Variants in ZNF704 observed in about 807,000 individuals in gnomAD.
ZNF704 encodes zinc finger protein 704.
ZNF704 carries 10 observed loss-of-function variants against 44.7 expected under a neutral mutation model. The observed-to-expected ratio is 0.22, with a 90% CI of 0.14 to 0.38. The LOEUF (loss-of-function observed/expected upper bound fraction) is 0.38. Among genes scored for constraint, ZNF704 ranks in the 10% least tolerant of loss-of-function variants. ZNF704 has a pLI of 1.00. For synonymous variants in ZNF704, 211 were observed against 207.6 expected, an observed-to-expected ratio of 1.02 and a Z score of -0.14; for missense variants, 390 against 545.5, an observed-to-expected ratio of 0.71 and a Z score of 2.84.
intron 2 of ZNF704, among the ~76,000 whole-genome samples, chr8:80,818,928 T>C (rs902360610): frequency 1.3e-5 from 2 of 152,114 alleles, no homozygotes; most frequent in African/African-American, 2.4e-5. Context: ...TAAATGGAAA[T>C]AGAGTTTGAG....
At position 80,635,693 on chromosome 8, in the gene ZNF704, T is replaced by A. The variant is rs913372992; in HGVS notation, c.*5673A>T. The A allele has an allele frequency of 6.6e-6, 1 of 152,260 alleles. No homozygotes were observed. Among genetic ancestry groups the A allele is most frequent in the African/African-American group, 2.4e-5 (1 of 41,474 alleles). 9.4% of individuals were successfully genotyped at this position (152,260 alleles called of 1,614,324 possible). On this transcript the variant is annotated 3_prime_UTR_variant, in exon 9 of 9. Transcript: ENST00000327835. ...ATAAGAATATTTCTCCCATGGCCTA[T>A]AAGCATACCTGTTAACACTTTTTAG...
intron 2 of ZNF704, among the ~76,000 whole-genome samples, chr8:80,770,187 C>A (rs1807296856): frequency 6.6e-6 from 1 of 152,134 alleles, no homozygotes; most frequent in Non-Finnish European, 1.5e-5. Context: ...GGGACATAGC[C>A]AAATCATATC....
intron 1 of ZNF704, among the ~76,000 whole-genome samples, chr8:80,833,808 T>C (rs1248519304): frequency 6.6e-6 from 1 of 152,108 alleles, no homozygotes; most frequent in African/African-American, 2.4e-5. Flanking sequence ...GGTTTAATCA[T>C]AGGGCTGCCA....
At chr8:80,880,197 G>A in the ZNF704 span, among the ~76,000 whole-genome samples, 3 of 152,184 alleles carry the variant, frequency 2.0e-5, no homozygotes, top group African/African-American at 7.2e-5. Flanking sequence ...CAGGTGCAGA[G>A]GAAGTCTTTG....
At chr8:80,864,624 CA>C (rs1472989502) in intron 1 of ZNF704, among the ~76,000 whole-genome samples, 1 of 152,092 alleles carries the variant, frequency 6.6e-6, no homozygotes, top group Non-Finnish European at 1.5e-5. Context: ...ACAGTGGGAG[CA>C]AGCAGATATG....
At chr8:80,644,219 T>G (rs913927597) in intron 7 of ZNF704, among the ~76,000 whole-genome samples, 1 of 152,168 alleles carries the variant, frequency 6.6e-6, no homozygotes, top group African/African-American at 2.4e-5. Flanking sequence ...TGTGTGATGG[T>G]AGACCCAGGG....
At chr8:80,828,378 G>A (rs1020110828) in intron 1 of ZNF704, among the ~76,000 whole-genome samples, 4 of 152,180 alleles carry the variant, frequency 2.6e-5, no homozygotes, top group African/African-American at 7.2e-5. Context: ...AAAGGTTTCT[G>A]TAAGGTAATT....
intron 2 of ZNF704, among the ~76,000 whole-genome samples, chr8:80,808,493 CTGTT>C (rs1215874154): frequency 6.6e-5 from 10 of 152,156 alleles, no homozygotes; most frequent in African/African-American, 2.4e-4. Flanking sequence ...TATGACTACA[CTGTT>C]TGTTAGGAAT....
chr8:80,690,235 T>C lies in ZNF704; in HGVS notation c.325+2769A>G, dbSNP rs1396611365. On this transcript the variant is annotated intron_variant, in intron 3 of 8. Coordinates refer to ENST00000327835, the MANE Select transcript of ZNF704 (RefSeq NM_001033723.3). ...ATTACTGTGCTAACGAAAGTTTGCA[T>C]TGAAGAGCCAAAAGGTTTATTTTAA... Among the ~76,000 whole-genome samples the C allele has an allele frequency of 2.0e-5, 3 of 152,314 alleles. No individual in the cohort carries two copies. In the East Asian group the frequency reaches 5.8e-4, roughly 29 times the overall value.
chr8:80,834,811 G>A (rs1808531582), intron 1 of ZNF704, among the ~76,000 whole-genome samples: 1 of 152,162 alleles, frequency 6.6e-6, no homozygotes, highest in African/African-American at 2.4e-5. Flanking sequence ...GTGTTAGTTT[G>A]CTGAGGATGA....
chr8:80,708,641 T>G (rs941758891), intron 2 of ZNF704, among the ~76,000 whole-genome samples: 1 of 152,250 alleles, frequency 6.6e-6, no homozygotes. Flanking sequence ...GCTAATAATT[T>G]GTAGCTCATT....
chr8:80,687,678 G>A (rs1007683938), intron 3 of ZNF704, among the ~76,000 whole-genome samples: 2 of 152,144 alleles, frequency 1.3e-5, no homozygotes, highest in African/African-American at 2.4e-5. Flanking sequence ...CATGATAATA[G>A]GTTTTTCTAA....
Position 80,664,937 on chromosome 8 carries a change from G to T in ZNF704, c.805C>A (p.Pro269Thr), listed in dbSNP as rs1344279381. ...TCTGTTCGGCTTGAATCTGGGATGG[G>T]GAAAGTAGGAGGTGAAGCCAGGGAC... ...SQSLASPPTF[P>T]IPDSSRTETP... The change falls in exon 6 of 9, where the codon CCC (proline) becomes ACC (threonine). Residue 269 changes from proline (P) to threonine (T), a missense_variant. By Grantham distance (38) the Pro-to-Thr change is conservative (BLOSUM62 -1). This residue lies in a region of ZNF704 where 305 missense variants were observed against 435.7 expected (regional missense o/e 0.70). Coordinates refer to ENST00000327835, the MANE Select transcript of ZNF704 (RefSeq NM_001033723.3). 3.1e-6 allele frequency: 5 copies of T among 1,614,084 alleles called. No individual in the cohort carries two copies. The highest frequency in any genetic ancestry group is 3.4e-6 in the Non-Finnish European group (4 of 1,180,050).
chr8:80,795,510 G>A (rs1293728295), intron 2 of ZNF704, among the ~76,000 whole-genome samples: 2 of 151,850 alleles, frequency 1.3e-5, no homozygotes, highest in Admixed American at 1.3e-4. Flanking sequence ...GGACTGACTG[G>A]AACATTGAAA....
At chr8:80,641,585 A>AT in intron 8 of ZNF704, 108 bp from the exon 9 acceptor site, 1 of 601,798 alleles carries the variant, frequency 1.7e-6, no homozygotes, top group Non-Finnish European at 2.7e-6. Flanking sequence ...AAAAAAAAAA[A>AT]GGCTGGCCAT....
intron 2 of ZNF704, among the ~76,000 whole-genome samples, chr8:80,808,485 T>C (rs1299168024): frequency 6.6e-6 from 1 of 152,252 alleles, no homozygotes; most frequent in Non-Finnish European, 1.5e-5. Context: ...GTGGAAAATA[T>C]GACTACACTG....
intron 1 of ZNF704, among the ~76,000 whole-genome samples, chr8:80,848,932 C>T (rs1808812902): frequency 2.6e-5 from 4 of 152,192 alleles, no homozygotes; most frequent in Admixed American, 2.6e-4. Context: ...AAAAATAAGA[C>T]TCAGGCCTCT....
At chr8:80,843,478 T>TA (rs751749729) in intron 1 of ZNF704, among the ~76,000 whole-genome samples, 4 of 152,212 alleles carry the variant, frequency 2.6e-5, no homozygotes, top group Non-Finnish European at 5.9e-5. Flanking sequence ...AACAAGAAGG[T>TA]AAAATATGCA....
intron 2 of ZNF704, among the ~76,000 whole-genome samples, chr8:80,736,083 T>C (rs1806660415): frequency 6.6e-6 from 1 of 152,246 alleles, no homozygotes; most frequent in Non-Finnish European, 1.5e-5. Flanking sequence ...GGCAAACTCT[T>C]ATAGTAAAGC....
Sources: allele counts gnomAD v4.1 joint callset (sites outside exome capture counted in the v4.1 genomes callset), GRCh38; gene constraint gnomAD v4.1.1; regional missense constraint gnomAD v4.1.1; transcripts MANE v1.5; gene names NCBI Gene and HGNC (gene_info 2026-07-23, HGNC 2026-07-21).